The following AAK1 variants were observed in gnomAD, a reference collection of about 807,000 sequenced individuals.
AAK1 encodes AP2-associated protein kinase 1.
In AAK1, 37 loss-of-function variants were observed where a neutral mutation model predicts 116.0. The observed-to-expected ratio is 0.32, with a 90% confidence interval of 0.25 to 0.42. AAK1 has a LOEUF of 0.42. AAK1 is among the 10% of genes least tolerant of loss of function. AAK1 has a pLI of 1.00. For missense variants in AAK1, 919 were observed against 1,170.6 expected (o/e 0.79, Z 3.14); for synonymous variants, 458 against 439.9 (o/e 1.04, Z -0.51).
At chr2:69,555,804 T>C (rs772675594) in intron 3 of AAK1, among the ~76,000 whole-genome samples, 12 of 151,858 alleles carry the variant, frequency 7.9e-5, no homozygotes, top group Non-Finnish European at 1.8e-4. Context: ...AATAAAAGGC[T>C]ATATATTCAA....
intron 2 of AAK1, chr2:69,597,462 TC>T: frequency 5.8e-6 from 1 of 171,380 alleles, no homozygotes; most frequent in Non-Finnish European, 1.3e-5. Context: ...ACCTCAGCCT[TC>T]CCCACTACAA....
At chr2:69,622,169 C>T (rs911375583) in intron 2 of AAK1, among the ~76,000 whole-genome samples, 19 of 152,240 alleles carry the variant, frequency 1.2e-4, no homozygotes, top group Admixed American at 9.8e-4. Flanking sequence ...GTGGGCCCCG[C>T]ACTCAGAGCA....
chr2:69,476,027 C>A, intron 21 of AAK1, 64 bp from the exon 22 acceptor site: 3 of 1,493,180 alleles, frequency 2.0e-6, no homozygotes, highest in African/African-American at 1.4e-5. Flanking sequence ...ATGTGCAGAG[C>A]AAGCAAAGAA....
At chr2:69,571,845 G>C (rs775526841) in intron 2 of AAK1, among the ~76,000 whole-genome samples, 2 of 152,336 alleles carry the variant, frequency 1.3e-5, no homozygotes, top group Non-Finnish European at 2.9e-5. Flanking sequence ...TGACGGATCA[G>C]TGTTAGGGAG....
intron 2 of AAK1, among the ~76,000 whole-genome samples, chr2:69,633,818 G>A (rs907854702): frequency 6.6e-6 from 1 of 152,184 alleles, no homozygotes; most frequent in Non-Finnish European, 1.5e-5. Context: ...AGCATTATCT[G>A]ACTTGAAAAG....
chr2:69,608,157 G>A (rs1325717279), intron 2 of AAK1, among the ~76,000 whole-genome samples: 2 of 152,162 alleles, frequency 1.3e-5, no homozygotes, highest in Admixed American at 6.5e-5. Context: ...ATAAATGCAG[G>A]CAGCACCTGC....
chr2:69,614,128 G>A, intron 2 of AAK1, among the ~76,000 whole-genome samples: 1 of 152,212 alleles, frequency 6.6e-6, no homozygotes. Context: ...ACCACTATCA[G>A]GTGAGTCAGC....
At chr2:69,604,946 T>C (rs931148386) in intron 2 of AAK1, among the ~76,000 whole-genome samples, 1 of 152,212 alleles carries the variant, frequency 6.6e-6, no homozygotes, top group African/African-American at 2.4e-5. Context: ...CTTCCCTCTC[T>C]GTCTCAACAC....
intron 2 of AAK1, among the ~76,000 whole-genome samples, chr2:69,606,505 T>C (rs1271528433): frequency 1.3e-5 from 2 of 152,192 alleles, no homozygotes; most frequent in Non-Finnish European, 2.9e-5. Context: ...AATGAATGAA[T>C]GAATGATAAA....
In AAK1 at chr2:69,465,735, T is replaced by G. The variant is rs1227576056; in HGVS notation, c.*10134A>C. 7.7e-7 allele frequency: 1 copy of G among 1,290,772 alleles called. No homozygotes were observed. Among genetic ancestry groups the G allele is most frequent in the Non-Finnish European group, 1.0e-6 (1 of 988,880 alleles). The allele number at this position is 1,290,772 out of a possible 1,614,324, so 80.0% of individuals were successfully genotyped here. The stretch of plus-strand genomic sequence containing the variant: ...TCTGTCATTAGAATGACCCCCAGAT[T>G]CCAGGCAGGATCCCCTGGGAGAGAT... On this transcript the variant is annotated 3_prime_UTR_variant, in exon 22 of 22. Coordinates refer to ENST00000409085, the MANE Select transcript of AAK1 (RefSeq NM_014911.5).
At chr2:69,639,055 T>C (rs1354125374) in intron 2 of AAK1, among the ~76,000 whole-genome samples, 3 of 152,218 alleles carry the variant, frequency 2.0e-5, no homozygotes, top group African/African-American at 7.2e-5. Flanking sequence ...TAGTTTGCTC[T>C]GTAGGTAGGA....
intron 5 of AAK1, among the ~76,000 whole-genome samples, chr2:69,540,508 T>C (rs1252496026): frequency 1.3e-5 from 2 of 152,232 alleles, no homozygotes; most frequent in African/African-American, 4.8e-5. Flanking sequence ...GGGAGGTATA[T>C]ACTCATTCTC....
At chr2:69,574,865 A>C (rs1446066547) in intron 2 of AAK1, among the ~76,000 whole-genome samples, 1 of 151,960 alleles carries the variant, frequency 6.6e-6, no homozygotes, top group East Asian at 1.9e-4. Flanking sequence ...CGGGAGGCTG[A>C]AACAGGAGGA....
rs1162029407 is a variant in AAK1 at position 69,471,529 on chromosome 2, T to TG, written c.*4339dup. 2.0e-6 allele frequency: 2 copies of TG among 985,360 alleles called. No individual in the cohort carries two copies. Among genetic ancestry groups the TG allele is most frequent in the African/African-American group, 3.5e-5 (2 of 57,248 alleles). The allele number at this position is 985,360 out of a possible 1,614,324, so 61.0% of individuals were successfully genotyped here. A position where few individuals can be genotyped will look rare whatever the true frequency, so the allele number is the denominator to read the frequency against. On this transcript the variant is annotated 3_prime_UTR_variant, in exon 22 of 22. Coordinates refer to ENST00000409085, the MANE Select transcript of AAK1 (RefSeq NM_014911.5). The stretch of plus-strand genomic sequence containing the variant: ...CTAAATATTCATGTGATAGTTTTTC[T>TG]GTTCTGCCAGGCAGCCTCTAATTTG...
At chr2:69,514,351 A>T in intron 13 of AAK1, 120 bp downstream of exon 13, 2 of 1,290,400 alleles carry the variant, frequency 1.5e-6, no homozygotes, top group Non-Finnish European at 1.0e-6. Context: ...TAATTGAACC[A>T]CCCAGGTGGG....
intron 2 of AAK1, among the ~76,000 whole-genome samples, chr2:69,615,566 T>C (rs1424751833): frequency 6.6e-6 from 1 of 152,214 alleles, no homozygotes; most frequent in Admixed American, 6.5e-5. Context: ...TTTCTCTCAT[T>C]TATTTTCTTC....
Position 69,507,530 on chromosome 2 carries a change from G to A in AAK1, c.2055C>T (p.Asn685=), listed in dbSNP as rs371548831. 9.9e-6 allele frequency: 16 copies of A among 1,612,388 alleles called. No individual in the cohort carries two copies. The highest frequency in any genetic ancestry group is 5.0e-5 in the Admixed American group (3 of 59,828). ...TAGACCCTTCTGAAGGATTATAAACGTTTTGTTGAGAGGTCCGAGGAGAGC... is the reference window on the plus strand; with the variant it reads ...TAGACCCTTCTGAAGGATTATAAACATTTTGTTGAGAGGTCCGAGGAGAGC... The part of the protein sequence containing the change: ...PSGSPRTSQQ[N]VYNPSEGSTW... The change falls in exon 15 of 22, where the codon AAC becomes AAT. Residue 685 remains asparagine, a synonymous_variant. Coordinates refer to ENST00000409085, the MANE Select transcript of AAK1 (RefSeq NM_014911.5).
Position 69,475,875 on chromosome 2 carries a change from G to A in AAK1, c.2880C>T (p.Asp960=), listed in dbSNP as rs1463252623. ...RSLLLVDQLI[D]L Reference sequence around the variant, plus strand: ...ATCTGCTACTGGGTCACGGCTACAGGTCTATGAGCTGATCCACCAGCAGTA... The same window carrying A: ...ATCTGCTACTGGGTCACGGCTACAGATCTATGAGCTGATCCACCAGCAGTA... The change falls in exon 22 of 22, where the codon GAC becomes GAT. Residue 960 remains aspartate, a synonymous_variant. Coordinates refer to ENST00000409085, the MANE Select transcript of AAK1 (RefSeq NM_014911.5). 4 of 1,611,360 alleles carry A rather than the reference G, an allele frequency of 2.5e-6. No individual in the cohort carries two copies. In the Admixed American group the frequency reaches 6.7e-5, roughly 27 times the overall value.
At chr2:69,633,208 G>A (rs1364089331) in intron 2 of AAK1, among the ~76,000 whole-genome samples, 1 of 125,254 alleles carries the variant, frequency 8.0e-6, no homozygotes, top group Non-Finnish European at 1.6e-5. Context: ...AACAGAGTGA[G>A]ACTCTGTTTC....
Sources: allele counts gnomAD v4.1 joint callset (sites outside exome capture counted in the v4.1 genomes callset), GRCh38; gene constraint gnomAD v4.1.1; transcripts MANE v1.5; gene names NCBI Gene and HGNC (gene_info 2026-07-23, HGNC 2026-07-21).